PCDHA5: variants seen among roughly 807,000 people sequenced by gnomAD.
PCDHA5 encodes the protein protocadherin alpha-5.
Under a neutral mutation model 61.6 loss-of-function variants are expected in PCDHA5, and 43 were observed. That is an observed-to-expected ratio of 0.70 (90% CI 0.55 to 0.90). The LOEUF (loss-of-function observed/expected upper bound fraction) is 0.90. Among genes scored for constraint, PCDHA5 ranks in the 40% least tolerant of loss-of-function variants. The pLI is 0.00. For synonymous variants in PCDHA5, 627 were observed against 543.9 expected (o/e 1.15, Z -2.13); for missense variants, 1,298 against 1,222.7 (o/e 1.06, Z -0.92).
At chr5:140,896,672 C>T (rs912022786) in intron 1 of PCDHA5, among the ~76,000 whole-genome samples, 7 of 152,028 alleles carry the variant, frequency 4.6e-5, no homozygotes, top group Middle Eastern at 3.2e-3. Flanking sequence ...TCACTGTGCC[C>T]GGCCCTTTGC....
chr5:140,850,638 C>T (rs2150491842), intron 1 of PCDHA5: 3 of 1,598,668 alleles, frequency 1.9e-6, no homozygotes, highest in Non-Finnish European at 2.6e-6. Context: ...GGTTCTCACG[C>T]TGCTGCTGTA....
At chr5:140,968,920 A>G (rs781931367) in intron 1 of PCDHA5, 1 of 1,614,120 alleles carries the variant, frequency 6.2e-7, no homozygotes, top group Admixed American at 1.7e-5. Flanking sequence ...TGTCTTTTAT[A>G]TTTCTTTTGA....
chr5:140,905,580 T>C (rs2071928885), intron 1 of PCDHA5, among the ~76,000 whole-genome samples: 1 of 152,168 alleles, frequency 6.6e-6, no homozygotes, highest in Non-Finnish European at 1.5e-5. Flanking sequence ...AGAATGATAA[T>C]GATATTTTGC....
At chr5:140,869,964 T>C (rs546576795) in intron 1 of PCDHA5, 1 of 1,613,046 alleles carries the variant, frequency 6.2e-7, no homozygotes, top group Non-Finnish European at 8.5e-7. Context: ...TTAAGCCCAA[T>C]GGAAGACACT....
intron 1 of PCDHA5, chr5:140,862,568 C>A: frequency 2.1e-6 from 1 of 480,650 alleles, no homozygotes; most frequent in African/African-American, 2.0e-5. Context: ...AACCACAATG[C>A]CCTGGCGTTC....
At chr5:140,827,146 C>T (rs1245117168) in intron 1 of PCDHA5, among the ~76,000 whole-genome samples, 1 of 152,036 alleles carries the variant, frequency 6.6e-6, no homozygotes, top group Non-Finnish European at 1.5e-5. Flanking sequence ...AGAAGGGATG[C>T]AGATATGGAT....
rs2096268798 is a variant in PCDHA5 at position 140,968,765 on chromosome 5, G to A, written c.2353-10184G>A. 8.1e-6 allele frequency: 13 copies of A among 1,614,078 alleles called. No homozygotes were observed. The East Asian group carries it at 2.2e-4, about 28-fold the overall frequency. On this transcript the variant is annotated intron_variant, in intron 1 of 3. Transcript: ENST00000529859. Reference sequence around the variant, plus strand: ...GACCGTGGTGGTCCGAGATAATGGAGAGCCATCACTATCAGCCTCTGTGGC... The same window carrying A: ...GACCGTGGTGGTCCGAGATAATGGAAAGCCATCACTATCAGCCTCTGTGGC...
intron 1 of PCDHA5, chr5:140,841,224 A>G: frequency 6.9e-7 from 1 of 1,450,532 alleles, no homozygotes; most frequent in South Asian, 1.4e-5. Context: ...AGGCCGAACA[A>G]CGGGAGATGC....
chr5:140,852,931 T>G (rs1554146230), intron 1 of PCDHA5: 1 of 623,668 alleles, frequency 1.6e-6, no homozygotes, highest in Non-Finnish European at 2.1e-6. Flanking sequence ...CAGGCTGGAG[T>G]GCAGTGGTGC....
intron 1 of PCDHA5, among the ~76,000 whole-genome samples, chr5:140,972,920 C>T (rs1343772789): frequency 6.6e-6 from 1 of 152,048 alleles, no homozygotes; most frequent in East Asian, 1.9e-4. Context: ...CCTTGGCCTC[C>T]CAAAGTGCTG....
At chr5:140,948,957 C>G (rs1338643900) in intron 1 of PCDHA5, among the ~76,000 whole-genome samples, 2 of 151,542 alleles carry the variant, frequency 1.3e-5, no homozygotes, top group Admixed American at 1.3e-4. Context: ...AAATTAAAGC[C>G]ACGAATTTAT....
At chr5:140,965,851 A>C (rs1257954575) in intron 1 of PCDHA5, among the ~76,000 whole-genome samples, 1 of 152,252 alleles carries the variant, frequency 6.6e-6, no homozygotes, top group Non-Finnish European at 1.5e-5. Flanking sequence ...GCCAAGGCAC[A>C]CACTGAAAAT....
At chr5:140,927,090 C>T (rs368092094) in intron 1 of PCDHA5, 34 of 1,612,532 alleles carry the variant, frequency 2.1e-5, no homozygotes, top group Non-Finnish European at 1.4e-5. Flanking sequence ...AGCTCTACTT[C>T]GGGGTGGATC....
intron 1 of PCDHA5, chr5:140,850,351 G>A (rs2150480754): frequency 6.3e-7 from 1 of 1,597,916 alleles, no homozygotes; most frequent in Non-Finnish European, 8.6e-7. Flanking sequence ...GCCAGCGCGA[G>A]CATCCCGTTC....
chr5:140,862,675 G>C, intron 1 of PCDHA5: 1 of 550,422 alleles, frequency 1.8e-6, no homozygotes, highest in Non-Finnish European at 3.6e-6. Context: ...GCAGGAGAAC[G>C]TGCTGGTGTC....
chr5:140,857,567 G>T (rs139473255), intron 1 of PCDHA5: 8 of 1,596,870 alleles, frequency 5.0e-6, no homozygotes, highest in African/African-American at 2.7e-5. Flanking sequence ...GTCGAGCTAC[G>T]TGTCGGTGCA....
intron 1 of PCDHA5, among the ~76,000 whole-genome samples, chr5:140,896,047 G>T (rs1369678792): frequency 6.6e-6 from 1 of 152,138 alleles, no homozygotes; most frequent in Non-Finnish European, 1.5e-5. Context: ...CTGACCTCAG[G>T]TGATCCGCCT....
chr5:140,925,641 TATAATAATAATAATA>T (rs10569930), intron 1 of PCDHA5, among the ~76,000 whole-genome samples: 7 of 143,358 alleles, frequency 4.9e-5, no homozygotes, highest in African/African-American at 1.0e-4. Flanking sequence ...GAACTTAAAG[TATAATAATAATAATA>T]ATAATAATAA....
intron 3 of PCDHA5, among the ~76,000 whole-genome samples, chr5:141,000,496 C>T (rs1257530549): frequency 7.4e-6 from 1 of 134,362 alleles, no homozygotes; most frequent in Non-Finnish European, 1.5e-5. Context: ...GGTAAGATCT[C>T]GGCTCACTGC....
Sources: allele counts gnomAD v4.1 joint callset (sites outside exome capture counted in the v4.1 genomes callset), GRCh38; gene constraint gnomAD v4.1.1; transcripts MANE v1.5; gene names NCBI Gene and HGNC (gene_info 2026-07-23, HGNC 2026-07-21).